The following NEGR1 variants were observed in gnomAD, a reference collection of about 807,000 sequenced individuals.
NEGR1 encodes neuronal growth regulator 1, also known as IgLON family member 4.
NEGR1 carries 10 observed loss-of-function variants against 40.9 expected under a neutral mutation model. That is an observed-to-expected ratio of 0.24 (90% CI 0.15 to 0.42). NEGR1 has a LOEUF of 0.42. NEGR1 is among the 10% of genes least tolerant of loss of function. The pLI is 1.00. For synonymous variants in NEGR1, 185 were observed against 166.8 expected, an observed-to-expected ratio of 1.11 and a Z score of -0.84; for missense variants, 352 against 438.9, an observed-to-expected ratio of 0.80 and a Z score of 1.77.
intron 1 of NEGR1, among the ~76,000 whole-genome samples, chr1:72,030,333 A>G (rs1646846286): frequency 6.6e-6 from 1 of 151,924 alleles, no homozygotes; most frequent in South Asian, 2.1e-4. Flanking sequence ...CAGCCTCTGG[A>G]GTAGCTGGGA....
intron 3 of NEGR1, among the ~76,000 whole-genome samples, chr1:71,732,923 C>T (rs184282589): frequency 5.5e-4 from 84 of 152,166 alleles, no homozygotes; most frequent in Middle Eastern, 6.8e-3. Context: ...TTCAAATAAA[C>T]CTGGGAAGTA....
intron 6 of NEGR1, among the ~76,000 whole-genome samples, chr1:71,447,538 C>G (rs188162393): frequency 3.3e-5 from 5 of 152,278 alleles, no homozygotes; most frequent in African/African-American, 1.2e-4. Context: ...TCTTCTGCAC[C>G]TAGAGTGACT....
intron 1 of NEGR1, among the ~76,000 whole-genome samples, chr1:72,123,842 G>C (rs1302180900): frequency 6.6e-6 from 1 of 151,906 alleles, no homozygotes; most frequent in African/African-American, 2.4e-5. Flanking sequence ...AAAGCAAAAG[G>C]GAAAATTGAT....
chr1:72,058,373 TATG>T (rs1334571149), intron 1 of NEGR1, among the ~76,000 whole-genome samples: 1 of 151,610 alleles, frequency 6.6e-6, no homozygotes, highest in Non-Finnish European at 1.5e-5. Flanking sequence ...CATTAGTTAT[TATG>T]ATATCTGGCA....
chr1:72,232,995 CCAGA>C (rs1654423591), intron 1 of NEGR1, among the ~76,000 whole-genome samples: 1 of 152,154 alleles, frequency 6.6e-6, no homozygotes, highest in Admixed American at 6.6e-5. Context: ...ATCTCACAAT[CCAGA>C]CAGTTATTGG....
At chr1:71,803,378 A>C (rs948883186) in intron 2 of NEGR1, among the ~76,000 whole-genome samples, 1 of 152,148 alleles carries the variant, frequency 6.6e-6, no homozygotes, top group Non-Finnish European at 1.5e-5. Context: ...TAAGTCACTC[A>C]GTCTTTGGTA....
chr1:71,949,735 T>C (rs1422537594), intron 1 of NEGR1, among the ~76,000 whole-genome samples: 2 of 152,078 alleles, frequency 1.3e-5, no homozygotes, highest in Non-Finnish European at 2.9e-5. Context: ...AAAAATTGAA[T>C]ATATAATTTG....
chr1:71,568,318 A>T (rs1648687814), intron 6 of NEGR1, among the ~76,000 whole-genome samples: 1 of 152,166 alleles, frequency 6.6e-6, no homozygotes, highest in Admixed American at 6.5e-5. Context: ...TCTAGTGAAG[A>T]ATCATTTCTG....
At chr1:72,134,653 T>A (rs1650383761) in intron 1 of NEGR1, among the ~76,000 whole-genome samples, 2 of 151,642 alleles carry the variant, frequency 1.3e-5, no homozygotes, top group Non-Finnish European at 2.9e-5. Flanking sequence ...CCTTTTTTTT[T>A]TTTTTTTAAC....
rs574541296 is a variant in NEGR1, at chr1:72,051,448, T to C, written c.177-116137A>G. ...TGGAATGAATCCAGCTCACTTATGG[T>C]TTGGAGCAGAATAAAATATTGTCAG... On this transcript the variant is annotated intron_variant, in intron 1 of 6. Transcript: ENST00000357731. Among the ~76,000 whole-genome samples the C allele has an allele frequency of 4.0e-5, 6 of 151,532 alleles. No homozygotes were observed. In the East Asian group the frequency reaches 1.2e-3, roughly 30 times the overall value.
At chr1:71,924,690 T>C (rs547736969) in intron 2 of NEGR1, among the ~76,000 whole-genome samples, 1 of 152,324 alleles carries the variant, frequency 6.6e-6, no homozygotes, top group East Asian at 1.9e-4. Flanking sequence ...CTCTGTCCCA[T>C]GTAAAGTATA....
chr1:71,867,199 C>T (rs1660139735), intron 2 of NEGR1, among the ~76,000 whole-genome samples: 1 of 152,090 alleles, frequency 6.6e-6, no homozygotes, highest in Non-Finnish European at 1.5e-5. Flanking sequence ...CATGGTGAAA[C>T]TCTATCTCTA....
chr1:71,612,482 A>G (rs1221389393), intron 4 of NEGR1, among the ~76,000 whole-genome samples: 1 of 152,196 alleles, frequency 6.6e-6, no homozygotes, highest in Non-Finnish European at 1.5e-5. Flanking sequence ...ACAAAGCAGT[A>G]AATTGCCCTG....
chr1:71,554,574 C>A (rs1333526042), intron 6 of NEGR1, among the ~76,000 whole-genome samples: 1 of 151,414 alleles, frequency 6.6e-6, no homozygotes, highest in Non-Finnish European at 1.5e-5. Flanking sequence ...CACCCTCCTG[C>A]ACCCTGTTTT....
At chr1:72,246,927 G>A (rs1166024688) in intron 1 of NEGR1, among the ~76,000 whole-genome samples, 1 of 152,226 alleles carries the variant, frequency 6.6e-6, no homozygotes, top group Non-Finnish European at 1.5e-5. Context: ...CACATACAGG[G>A]TTAACATCAC....
intron 1 of NEGR1, among the ~76,000 whole-genome samples, chr1:72,201,376 AT>A (rs1231453049): frequency 6.6e-6 from 1 of 151,592 alleles, no homozygotes; most frequent in Non-Finnish European, 1.5e-5. Context: ...GTGATACAAA[AT>A]ATCAGTATTT....
intron 1 of NEGR1, among the ~76,000 whole-genome samples, chr1:72,146,080 CA>C (rs1650898421): frequency 2.0e-5 from 3 of 152,026 alleles, no homozygotes; most frequent in Admixed American, 6.6e-5. Flanking sequence ...GATGTCTTCA[CA>C]ATACTATGTT....
intron 4 of NEGR1, among the ~76,000 whole-genome samples, chr1:71,630,510 A>G (rs1300768330): frequency 6.6e-6 from 1 of 151,970 alleles, no homozygotes. Context: ...CTATCATCTG[A>G]AAGCTCTCTC....
intron 1 of NEGR1, among the ~76,000 whole-genome samples, chr1:72,260,483 C>G (rs1020123939): frequency 2.6e-5 from 4 of 152,010 alleles, no homozygotes; most frequent in African/African-American, 9.7e-5. Flanking sequence ...AAAAATAAGT[C>G]CTCAAACCAT....
Sources: gnomAD v4.1 joint callset for allele counts (sites outside exome capture counted in the v4.1 genomes callset) on GRCh38, gnomAD v4.1.1 for gene constraint, MANE v1.5 for transcripts, NCBI Gene and HGNC (gene_info 2026-07-23, HGNC 2026-07-21) for gene names.